ASIC2: variants seen among roughly 807,000 people sequenced by gnomAD.
The protein encoded by ASIC2 is acid sensing ion channel subunit 2, also known as acid-sensing ion channel 2.
A neutral mutation model predicts 57.3 loss-of-function variants in ASIC2; 25 were observed. The ratio of observed to expected loss-of-function variants is 0.44; its 90% CI spans 0.32 to 0.61. The LOEUF is 0.61. ASIC2 is among the 20% of genes least tolerant of loss of function. The pLI is 0.06. For synonymous variants in ASIC2, 319 were observed against 307.5 expected, an observed-to-expected ratio of 1.04 and a Z score of -0.39; for missense variants, 641 against 738.1, an observed-to-expected ratio of 0.87 and a Z score of 1.52.
intron 3 of ASIC2, among the ~76,000 whole-genome samples, chr17:33,058,597 G>C (rs1372727775): frequency 6.6e-6 from 1 of 151,898 alleles, no homozygotes; most frequent in African/African-American, 2.4e-5. Context: ...GGCAGGCCCT[G>C]GTTTTTCTTG....
chr17:33,127,511 G>A (rs2092328620), intron 1 of ASIC2, among the ~76,000 whole-genome samples: 1 of 152,174 alleles, frequency 6.6e-6, no homozygotes. Flanking sequence ...TCTTCAGGGT[G>A]GTCTGGTGGT....
intron 1 of ASIC2, among the ~76,000 whole-genome samples, chr17:33,728,859 G>C (rs546589342): frequency 6.6e-6 from 1 of 152,078 alleles, no homozygotes; most frequent in Non-Finnish European, 1.5e-5. Flanking sequence ...AGCCAGGGAG[G>C]GTCATGTTGT....
intron 1 of ASIC2, among the ~76,000 whole-genome samples, chr17:33,141,354 G>A (rs959490240): frequency 2.6e-5 from 4 of 152,226 alleles, no homozygotes; most frequent in Admixed American, 6.5e-5. Flanking sequence ...TTTACAGGTT[G>A]TTGGGTTTTA....
intron 1 of ASIC2, among the ~76,000 whole-genome samples, chr17:33,332,604 T>C (rs1027456773): frequency 1.3e-5 from 2 of 152,116 alleles, no homozygotes; most frequent in African/African-American, 4.8e-5. Flanking sequence ...AAGTCTCAGA[T>C]TCACGGCCAG....
intron 1 of ASIC2, among the ~76,000 whole-genome samples, chr17:33,128,800 T>G (rs1289975758): frequency 3.9e-5 from 6 of 152,216 alleles, no homozygotes. Context: ...GGTGAATGCA[T>G]GAGTGCCTTA....
intron 1 of ASIC2, among the ~76,000 whole-genome samples, chr17:33,478,862 T>C (rs149420061): frequency 6.6e-6 from 1 of 152,340 alleles, no homozygotes; most frequent in Non-Finnish European, 1.5e-5. Context: ...CAGAATTCTT[T>C]TGAAAGTTAT....
chr17:33,247,619 C>T (rs1295760899), intron 1 of ASIC2, among the ~76,000 whole-genome samples: 1 of 152,180 alleles, frequency 6.6e-6, no homozygotes, highest in Non-Finnish European at 1.5e-5. Flanking sequence ...AGAGAGTCTA[C>T]CCGTGTCTAC....
At chr17:33,272,357 G>A (rs1425806780) in intron 1 of ASIC2, among the ~76,000 whole-genome samples, 1 of 152,118 alleles carries the variant, frequency 6.6e-6, no homozygotes, top group Non-Finnish European at 1.5e-5. Context: ...TGTGTTGTTT[G>A]TTTGCTGTAG....
intron 1 of ASIC2, among the ~76,000 whole-genome samples, chr17:33,595,093 G>A (rs1904941855): frequency 6.6e-6 from 1 of 152,104 alleles, no homozygotes; most frequent in South Asian, 2.1e-4. Context: ...GGGCTTGGCG[G>A]CAAGTACCTG....
intron 1 of ASIC2, among the ~76,000 whole-genome samples, chr17:34,102,320 A>G (rs1910894900): frequency 1.3e-5 from 2 of 152,038 alleles, no homozygotes; most frequent in Admixed American, 6.6e-5. Flanking sequence ...ACAGAGTGAG[A>G]CTCCGTCTAA....
intron 1 of ASIC2, among the ~76,000 whole-genome samples, chr17:33,312,338 G>C (rs955220769): frequency 6.6e-6 from 1 of 152,184 alleles, no homozygotes; most frequent in Non-Finnish European, 1.5e-5. Flanking sequence ...TGGTGTCCAG[G>C]TTTCTCTGTA....
In ASIC2 at chr17:33,291,904, T is replaced by A. The variant is rs757645658; in HGVS notation, c.212A>T (p.His71Leu). 10 of 1,598,060 alleles carry A rather than the reference T, an allele frequency of 6.3e-6. No homozygotes were observed. The highest frequency in any genetic ancestry group is 8.5e-6 in the Non-Finnish European group (10 of 1,176,888). Residue 71 changes from histidine to leucine, a missense_variant, in exon 1 of 10, where the codon CAC (histidine) becomes CTC (leucine). Physicochemically the swap from His to Leu is moderately conservative, Grantham distance 99 (BLOSUM62 -3). This residue lies in a region of ASIC2 where 382 missense variants were observed against 398.0 expected (regional missense o/e 0.96). Transcript: ENST00000225823. Reference protein sequence around the residue: ...LSRAKLHGLRHMCAGRTAAGG... With the variant: ...LSRAKLHGLRLMCAGRTAAGG... ...AGCCGCCGTGCGCCCGGCACACATG[T>A]GCCGCAGCCCGTGCAGTTTAGCGCG... is the stretch of plus-strand genomic sequence containing the variant.
chr17:33,824,053 A>C (rs1460570501), intron 1 of ASIC2, among the ~76,000 whole-genome samples: 1 of 152,186 alleles, frequency 6.6e-6, no homozygotes, highest in East Asian at 1.9e-4. Flanking sequence ...GGGTGACTTA[A>C]AAAACAGAGA....
At chr17:33,782,464 C>G (rs1208144230) in intron 1 of ASIC2, among the ~76,000 whole-genome samples, 3 of 150,780 alleles carry the variant, frequency 2.0e-5, no homozygotes, top group Admixed American at 6.6e-5. Context: ...GGCATGGTGG[C>G]TCACACCTGT....
At chr17:33,114,869 TCA>T (rs1297430738) in intron 1 of ASIC2, among the ~76,000 whole-genome samples, 2 of 152,220 alleles carry the variant, frequency 1.3e-5, no homozygotes, top group Non-Finnish European at 2.9e-5. Context: ...CCAGCCTCTC[TCA>T]GTTTTTCCAC....
chr17:33,633,565 AT>A (rs1451993252), intron 1 of ASIC2, among the ~76,000 whole-genome samples: 1 of 152,152 alleles, frequency 6.6e-6, no homozygotes, highest in Non-Finnish European at 1.5e-5. Context: ...CACCCCTTGC[AT>A]TTCATGCAGC....
intron 1 of ASIC2, among the ~76,000 whole-genome samples, chr17:33,372,289 G>T (rs1265417173): frequency 2.0e-5 from 3 of 151,932 alleles, no homozygotes; most frequent in Non-Finnish European, 4.4e-5. Context: ...AAGTACAGTG[G>T]GGCTTCTGGC....
intron 1 of ASIC2, among the ~76,000 whole-genome samples, chr17:33,811,952 A>G (rs1036322656): frequency 9.9e-5 from 15 of 152,156 alleles, no homozygotes; most frequent in Non-Finnish European, 2.2e-4. Flanking sequence ...GTCACTTGCT[A>G]TATTTGTGAA....
chr17:33,175,065 G>A (rs565778636), intron 1 of ASIC2, among the ~76,000 whole-genome samples: 2 of 152,014 alleles, frequency 1.3e-5, no homozygotes, highest in African/African-American at 2.4e-5. Flanking sequence ...AGTTCTTTCC[G>A]ACGAATAAAA....
Sources: gnomAD v4.1 joint callset for allele counts (sites outside exome capture counted in the v4.1 genomes callset) on GRCh38, gnomAD v4.1.1 for gene constraint, gnomAD v4.1.1 regional missense constraint, MANE v1.5 for transcripts, NCBI Gene and HGNC (gene_info 2026-07-23, HGNC 2026-07-21) for gene names.